Variants in KCNJ6 observed in about 807,000 individuals in gnomAD.
The protein encoded by KCNJ6 is potassium inwardly rectifying channel subfamily J member 6.
In KCNJ6, 9 loss-of-function variants were observed where a neutral mutation model predicts 34.2. The ratio of observed to expected loss-of-function variants is 0.26; its 90% CI spans 0.16 to 0.46. The LOEUF is 0.46. Among genes scored for constraint, KCNJ6 ranks in the 20% least tolerant of loss-of-function variants. The probability of loss-of-function intolerance (pLI) is 1.00; values close to 1 mark genes in which losing one functional copy is unlikely to be tolerated. For missense variants in KCNJ6, 236 were observed against 531.3 expected, an observed-to-expected ratio of 0.44 and a Z score of 5.46; for synonymous variants, 196 against 207.1, an observed-to-expected ratio of 0.95 and a Z score of 0.46.
chr21:37,827,130 C>A lies in KCNJ6; in HGVS notation c.25+13528G>T, dbSNP rs375000751. Among the ~76,000 whole-genome samples, 54 of 152,262 alleles carry A rather than the reference C, an allele frequency of 3.5e-4. 1 individual carries two copies. Among genetic ancestry groups the A allele is most frequent in the African/African-American group, 1.3e-3 (53 of 41,552 alleles). ...TCTCCACTAAGAAAAATATCCCTAG[C>A]AACTAAGCAGGGAATGATATTTGGT... On this transcript the variant is annotated intron_variant, in intron 2 of 3. Transcript: ENST00000609713.
At chr21:37,838,289 G>A (rs527837911) in intron 2 of KCNJ6, among the ~76,000 whole-genome samples, 159 of 152,204 alleles carry the variant, frequency 1.0e-3, no homozygotes, top group African/African-American at 3.7e-3. Flanking sequence ...AAATGTATCT[G>A]GAAACCAATA....
chr21:37,880,758 A>G (rs1468001614), intron 1 of KCNJ6, among the ~76,000 whole-genome samples: 1 of 152,250 alleles, frequency 6.6e-6, no homozygotes, highest in Non-Finnish European at 1.5e-5. Context: ...AGGGCTTTCC[A>G]GGCGTGAAGC....
intron 3 of KCNJ6, among the ~76,000 whole-genome samples, chr21:37,701,688 G>A (rs780800273): frequency 6.6e-6 from 1 of 152,074 alleles, no homozygotes; most frequent in African/African-American, 2.4e-5. Context: ...ATTGTATGAC[G>A]CACAGTGGTC....
In KCNJ6 at chr21:37,853,844, A is replaced by ATGTGTG. The variant is rs916266559; in HGVS notation, c.-27-13136_-27-13135insCACACA. Among the ~76,000 whole-genome samples, 209 of 109,356 alleles carry ATGTGTG rather than the reference A, an allele frequency of 1.9e-3. 3 individuals carry two copies. The highest frequency in any genetic ancestry group is 9.1e-3 in the Middle Eastern group (2 of 220). The allele number at this position is 109,356 out of a possible 152,430, so 71.7% of individuals were successfully genotyped here. ...CAGTAGTTAAGAGATACATATATAT[A>ATGTGTG]TGTATATATATATATATAAATTACA... On this transcript the variant is annotated intron_variant, in intron 1 of 3. Coordinates refer to ENST00000609713, the MANE Select transcript of KCNJ6 (RefSeq NM_002240.5).
chr21:37,705,159 C>T (rs1419167982), intron 3 of KCNJ6, among the ~76,000 whole-genome samples: 1 of 152,128 alleles, frequency 6.6e-6, no homozygotes, highest in Non-Finnish European at 1.5e-5. Flanking sequence ...CCATAGTTGT[C>T]GGTGCATTAA....
intron 1 of KCNJ6, among the ~76,000 whole-genome samples, chr21:37,905,002 T>G (rs548478777): frequency 2.1e-4 from 32 of 152,278 alleles, no homozygotes; most frequent in African/African-American, 7.7e-4. Context: ...GCACCGCTAT[T>G]TATTCACTGG....
chr21:37,809,123 C>T (rs2055308360), intron 2 of KCNJ6, among the ~76,000 whole-genome samples: 1 of 152,306 alleles, frequency 6.6e-6, no homozygotes, highest in African/African-American at 2.4e-5. Flanking sequence ...TTGGAACCAA[C>T]CCAAATGTCC....
intron 2 of KCNJ6, among the ~76,000 whole-genome samples, chr21:37,814,670 G>A (rs749699042): frequency 2.6e-5 from 4 of 152,108 alleles, no homozygotes; most frequent in African/African-American, 9.7e-5. Context: ...AGGCCAAGGC[G>A]GGTGGATCAC....
intron 1 of KCNJ6, among the ~76,000 whole-genome samples, chr21:37,878,862 G>C (rs1402321605): frequency 2.0e-5 from 3 of 152,194 alleles, no homozygotes; most frequent in Non-Finnish European, 4.4e-5. Context: ...TCACATGCTT[G>C]CTGTGAAAAT....
chr21:37,635,806 C>T (rs540922556), intron 3 of KCNJ6, among the ~76,000 whole-genome samples: 18 of 152,332 alleles, frequency 1.2e-4, no homozygotes, highest in South Asian at 8.3e-4. Context: ...CATGCGCCAC[C>T]ACACCCAGCT....
At position 37,624,304 on chromosome 21, in the gene KCNJ6, T is replaced by G. The variant is rs1013269201; in HGVS notation, c.*855A>C. The G allele has an allele frequency of 9.9e-5, 15 of 152,136 alleles. No individual in the cohort carries two copies. The highest frequency in any genetic ancestry group is 3.6e-4 in the African/African-American group (15 of 41,418). The allele number at this position is 152,136 out of a possible 1,614,324, so 9.4% of individuals were successfully genotyped here. A position where few individuals can be genotyped will look rare whatever the true frequency, so the allele number is the denominator to read the frequency against. On this transcript the variant is annotated 3_prime_UTR_variant, in exon 4 of 4. Transcript: ENST00000609713. Reference sequence around the variant, plus strand: ...CCCCCAGACCTATGGCTTGTTGGATTCAATGAAAGGATCCGTGTGGGAACA... The same window carrying G: ...CCCCCAGACCTATGGCTTGTTGGATGCAATGAAAGGATCCGTGTGGGAACA...
chr21:37,715,214 C>T, intron 2 of KCNJ6, 83 bp from the exon 3 acceptor site: 1 of 1,167,880 alleles, frequency 8.6e-7, no homozygotes, highest in East Asian at 2.5e-5. Context: ...TTTGTATGGG[C>T]TGGTGAAACC....
rs900356825 is a variant in KCNJ6, at chr21:37,646,097, A to G, written c.947-20613T>C. Among the ~76,000 whole-genome samples the G allele has an allele frequency of 1.2e-4, 18 of 152,316 alleles. No homozygotes were observed. In the East Asian group the frequency reaches 3.5e-3, roughly 29 times the overall value. On this transcript the variant is annotated intron_variant, in intron 3 of 3. Transcript: ENST00000609713. ...TATGCGTAATACATTTAGAAGTCAG[A>G]GAGTCTCCTTCAGTCCAAGTCTAGT... is the stretch of plus-strand genomic sequence containing the variant.
intron 2 of KCNJ6, among the ~76,000 whole-genome samples, chr21:37,720,697 CTTTTCTT>C (rs1458134071): frequency 9.2e-6 from 1 of 108,302 alleles, no homozygotes; most frequent in African/African-American, 3.6e-5. Flanking sequence ...AAAACATTTT[CTTTTCTT>C]TTTTTTTTTT....
At chr21:37,709,049 G>A (rs1438353577) in intron 3 of KCNJ6, among the ~76,000 whole-genome samples, 1 of 152,156 alleles carries the variant, frequency 6.6e-6, no homozygotes, top group Non-Finnish European at 1.5e-5. Flanking sequence ...GAATTGTTTT[G>A]TGGTACATCT....
intron 1 of KCNJ6, among the ~76,000 whole-genome samples, chr21:37,880,999 A>C (rs1040226913): frequency 6.6e-6 from 1 of 152,268 alleles, no homozygotes; most frequent in African/African-American, 2.4e-5. Flanking sequence ...CAAAGGGCAC[A>C]GAAGAGGCAG....
intron 3 of KCNJ6, among the ~76,000 whole-genome samples, chr21:37,672,384 A>G (rs930857898): frequency 1.3e-5 from 2 of 152,030 alleles, no homozygotes; most frequent in African/African-American, 4.8e-5. Context: ...TCTAAGGATG[A>G]CGGTGATGCA....
At chr21:37,731,863 A>C (rs1476059124) in intron 2 of KCNJ6, among the ~76,000 whole-genome samples, 3 of 152,164 alleles carry the variant, frequency 2.0e-5, no homozygotes, top group African/African-American at 7.2e-5. Flanking sequence ...TGCTGATAAG[A>C]AGAGTCCAGG....
intron 2 of KCNJ6, among the ~76,000 whole-genome samples, chr21:37,723,517 A>C (rs114726102): frequency 1.3e-5 from 2 of 152,208 alleles, no homozygotes; most frequent in Non-Finnish European, 2.9e-5. Flanking sequence ...CATGGAATCA[A>C]CCTAGGTGCC....
Sources: allele counts gnomAD v4.1 joint callset (sites outside exome capture counted in the v4.1 genomes callset), GRCh38; gene constraint gnomAD v4.1.1; transcripts MANE v1.5; gene names NCBI Gene and HGNC (gene_info 2026-07-23, HGNC 2026-07-21).